Variants in MACROD2 observed in about 807,000 individuals in gnomAD.
MACROD2 encodes the protein mono-ADP ribosylhydrolase 2, also known as ADP-ribose glycohydrolase MACROD2.
Under a neutral mutation model 70.4 loss-of-function variants are expected in MACROD2, and 36 were observed. The ratio of observed to expected loss-of-function variants is 0.51; its 90% CI spans 0.39 to 0.68. The LOEUF (loss-of-function observed/expected upper bound fraction) is 0.68. Among genes scored for constraint, MACROD2 ranks in the 30% least tolerant of loss-of-function variants. The pLI is 0.00. For synonymous variants in MACROD2, 172 were observed against 178.8 expected, an observed-to-expected ratio of 0.96 and a Z score of 0.30; for missense variants, 496 against 538.4, an observed-to-expected ratio of 0.92 and a Z score of 0.78.
intron 5 of MACROD2, among the ~76,000 whole-genome samples, chr20:15,185,525 T>C (rs2145907552): frequency 1.3e-5 from 2 of 152,312 alleles, no homozygotes; most frequent in East Asian, 1.9e-4. Context: ...AATTATGTCA[T>C]ATTTTTGGTG....
At chr20:14,105,478 C>T (rs1164721924) in intron 3 of MACROD2, among the ~76,000 whole-genome samples, 3 of 152,176 alleles carry the variant, frequency 2.0e-5, no homozygotes, top group East Asian at 1.9e-4. Context: ...AGGCGAATTG[C>T]CCATCCCAGT....
intron 2 of MACROD2, chr20:14,003,625 C>G: frequency 2.2e-6 from 1 of 453,746 alleles, no homozygotes; most frequent in South Asian, 1.8e-5. Context: ...TGATTTGCTG[C>G]CCACCACCCC....
chr20:15,772,095 A>ATATATATAT, intron 8 of MACROD2, among the ~76,000 whole-genome samples: 1 of 94,296 alleles, frequency 1.1e-5, no homozygotes, highest in South Asian at 4.6e-4. Context: ...AAAAAAAAAA[A>ATATATATAT]AAAAAAATAT....
Position 15,002,258 on chromosome 20 carries a change from A to G in MACROD2, c.419-227682A>G, listed in dbSNP as rs543360248. 4.6e-5 allele frequency among the ~76,000 whole-genome samples: 7 copies of G among 152,134 alleles called. No individual in the cohort carries two copies. In the South Asian group the frequency reaches 1.5e-3, roughly 32 times the overall value. On this transcript the variant is annotated intron_variant, in intron 5 of 17. Coordinates refer to ENST00000684519, the MANE Select transcript of MACROD2 (RefSeq NM_001351661.2). ...AGTGTAGACATGTTCCTTTTTCACC[A>G]TATCCACACAAACATCTAGTATTTT...
At chr20:15,003,077 A>T (rs1600933927) in intron 5 of MACROD2, among the ~76,000 whole-genome samples, 1 of 152,006 alleles carries the variant, frequency 6.6e-6, no homozygotes, top group South Asian at 2.1e-4. Context: ...ATCAATCTAA[A>T]CCTCTCTGTC....
intron 8 of MACROD2, among the ~76,000 whole-genome samples, chr20:15,627,761 A>C (rs1478976108): frequency 6.6e-6 from 1 of 152,224 alleles, no homozygotes; most frequent in African/African-American, 2.4e-5. Context: ...TCTATGCCTT[A>C]GCAGAATTCC....
chr20:15,267,813 G>A (rs1371534286), intron 6 of MACROD2, among the ~76,000 whole-genome samples: 1 of 152,202 alleles, frequency 6.6e-6, no homozygotes. Context: ...AGGTGGGGAG[G>A]AGCCTGGCCT....
intron 6 of MACROD2, among the ~76,000 whole-genome samples, chr20:15,267,764 G>A (rs953264070): frequency 3.9e-5 from 6 of 152,146 alleles, no homozygotes; most frequent in Admixed American, 3.3e-4. Context: ...AGCACTGGGA[G>A]GATGGGACGG....
chr20:14,023,603 T>G (rs1026879503), intron 2 of MACROD2, among the ~76,000 whole-genome samples: 1 of 152,226 alleles, frequency 6.6e-6, no homozygotes, highest in Non-Finnish European at 1.5e-5. Flanking sequence ...GGGTCCAGTT[T>G]CAGTTTTCTG....
At chr20:15,052,973 GA>G (rs2075454514) in intron 5 of MACROD2, among the ~76,000 whole-genome samples, 1 of 152,200 alleles carries the variant, frequency 6.6e-6, no homozygotes, top group Non-Finnish European at 1.5e-5. Flanking sequence ...GGTCTGGACA[GA>G]AGATCAAACC....
At position 15,710,136 on chromosome 20, in the gene MACROD2, C is replaced by T. The variant is rs2050602978; in HGVS notation, c.646-152609C>T. Among the ~76,000 whole-genome samples the T allele has an allele frequency of 5.5e-5, 8 of 144,724 alleles. No individual in the cohort carries two copies. In the South Asian group the frequency reaches 1.7e-3, roughly 32 times the overall value. The allele number at this position is 144,724 out of a possible 152,430, so 94.9% of individuals were successfully genotyped here. ...ATTGTTAATCACCAAGGAAATGCAACTCAAAACCACAATGAGGTATCATTT... is the reference window on the plus strand; with the variant it reads ...ATTGTTAATCACCAAGGAAATGCAATTCAAAACCACAATGAGGTATCATTT... On this transcript the variant is annotated intron_variant, in intron 8 of 17. Coordinates refer to ENST00000684519, the MANE Select transcript of MACROD2 (RefSeq NM_001351661.2).
chr20:15,118,392 C>T (rs900032791), intron 5 of MACROD2, among the ~76,000 whole-genome samples: 3 of 151,958 alleles, frequency 2.0e-5, no homozygotes, highest in African/African-American at 7.2e-5. Context: ...GGGGTTTCAC[C>T]ATGTTGGTCA....
Position 15,168,811 on chromosome 20 carries a change from A to G in MACROD2, c.419-61129A>G, listed in dbSNP as rs144474748. Among the ~76,000 whole-genome samples, 159 of 152,284 alleles carry G rather than the reference A, an allele frequency of 1.0e-3. 1 individual carries two copies. In the East Asian group the frequency reaches 0.03, roughly 28 times the overall value. On this transcript the variant is annotated intron_variant, in intron 5 of 17. Transcript: ENST00000684519. ...AGCCTAGGCAACATAGCAAGACTCC[A>G]TCTCTTGAACAAAAGAAAAAAATGA...
At chr20:14,127,482 T>G (rs569199214) in intron 3 of MACROD2, 1 of 493,006 alleles carries the variant, frequency 2.0e-6, no homozygotes, top group Non-Finnish European at 3.7e-6. Flanking sequence ...GAGGCAGAGG[T>G]GGGTCAAATC....
At chr20:14,412,820 T>A (rs1336910150) in intron 3 of MACROD2, among the ~76,000 whole-genome samples, 1 of 152,218 alleles carries the variant, frequency 6.6e-6, no homozygotes, top group Non-Finnish European at 1.5e-5. Flanking sequence ...TGTGGTATCC[T>A]GATATAGGTT....
intron 3 of MACROD2, among the ~76,000 whole-genome samples, chr20:14,123,707 T>C (rs554717619): frequency 1.3e-5 from 2 of 152,264 alleles, no homozygotes; most frequent in East Asian, 1.9e-4. Flanking sequence ...AGTGCACTTA[T>C]AAAGGTTGAT....
At chr20:14,686,019 T>C (rs1394124302) in intron 5 of MACROD2, among the ~76,000 whole-genome samples, 1 of 152,182 alleles carries the variant, frequency 6.6e-6, no homozygotes, top group East Asian at 1.9e-4. Context: ...CAAATAGTAA[T>C]ATATTAAAAC....
At chr20:15,610,768 C>A (rs545111792) in intron 8 of MACROD2, among the ~76,000 whole-genome samples, 59 of 152,038 alleles carry the variant, frequency 3.9e-4, no homozygotes, top group Non-Finnish European at 7.8e-4. Flanking sequence ...GAAATATCTC[C>A]TCACCTCCAC....
chr20:15,682,795 G>T (rs1249556824), intron 8 of MACROD2, among the ~76,000 whole-genome samples: 1 of 152,220 alleles, frequency 6.6e-6, no homozygotes, highest in Non-Finnish European at 1.5e-5. Context: ...TTTAAAAAGA[G>T]ATCATTCTCT....
Sources: allele counts gnomAD v4.1 joint callset (sites outside exome capture counted in the v4.1 genomes callset), GRCh38; gene constraint gnomAD v4.1.1; transcripts MANE v1.5; gene names NCBI Gene and HGNC (gene_info 2026-07-23, HGNC 2026-07-21).